GABBR2: variants seen among roughly 807,000 people sequenced by gnomAD.
The protein encoded by GABBR2 is G-protein coupled receptor 51.
In GABBR2, 23 loss-of-function variants were observed where a neutral mutation model predicts 105.6. The observed-to-expected ratio is 0.22, with a 90% CI of 0.16 to 0.31. GABBR2 has a LOEUF of 0.31. Ranked by LOEUF, GABBR2 falls within the 10% of genes least tolerant of loss-of-function variation. The probability of loss-of-function intolerance (pLI) is 1.00; values close to 1 mark genes in which losing one functional copy is unlikely to be tolerated. For missense variants in GABBR2, 734 were observed against 1,245.5 expected, an observed-to-expected ratio of 0.59 and a Z score of 6.18; for synonymous variants, 478 against 499.7, an observed-to-expected ratio of 0.96 and a Z score of 0.58.
intron 6 of GABBR2, among the ~76,000 whole-genome samples, chr9:98,457,108 C>A (rs1168882143): frequency 6.6e-6 from 1 of 152,198 alleles, no homozygotes; most frequent in African/African-American, 2.4e-5. Flanking sequence ...ATGCGTGTTT[C>A]TTTAATTAAT....
At chr9:98,552,018 A>T (rs1828495963) in intron 2 of GABBR2, 1 of 152,184 alleles carries the variant, frequency 6.6e-6, no homozygotes, top group Admixed American at 6.5e-5. Context: ...GATAACTGCC[A>T]TTGTGCCTCA....
intron 5 of GABBR2, among the ~76,000 whole-genome samples, chr9:98,476,693 C>T (rs1390628951): frequency 1.3e-5 from 2 of 152,152 alleles, no homozygotes; most frequent in Admixed American, 1.3e-4. Context: ...AGAAGACTGC[C>T]CCAAACACCA....
At chr9:98,507,078 A>C (rs1228322423) in intron 3 of GABBR2, among the ~76,000 whole-genome samples, 1 of 151,970 alleles carries the variant, frequency 6.6e-6, no homozygotes, top group African/African-American at 2.4e-5. Flanking sequence ...AATCAAATCA[A>C]ATCCCTCTTT....
intron 3 of GABBR2, among the ~76,000 whole-genome samples, chr9:98,528,401 A>T (rs2131722887): frequency 6.6e-6 from 1 of 152,294 alleles, no homozygotes; most frequent in Admixed American, 6.5e-5. Flanking sequence ...TATTTACAAA[A>T]ATTTTGGAGA....
chr9:98,497,211 G>A (rs886359423), intron 3 of GABBR2, among the ~76,000 whole-genome samples: 1 of 152,296 alleles, frequency 6.6e-6, no homozygotes, highest in East Asian at 1.9e-4. Context: ...AGACTGCAGT[G>A]AGCCGTGATC....
chr9:98,428,551 C>A (rs1208584472), intron 7 of GABBR2, among the ~76,000 whole-genome samples: 2 of 152,178 alleles, frequency 1.3e-5, no homozygotes, highest in African/African-American at 4.8e-5. Flanking sequence ...AGAGACAACA[C>A]AGAGAGACCC....
At chr9:98,453,685 G>C (rs1356325044) in intron 7 of GABBR2, among the ~76,000 whole-genome samples, 1 of 152,180 alleles carries the variant, frequency 6.6e-6, no homozygotes, top group African/African-American at 2.4e-5. Context: ...TAGCCAAAAG[G>C]ATAGAACGCT....
chr9:98,434,854 C>A (rs1033004094), intron 7 of GABBR2, among the ~76,000 whole-genome samples: 1 of 152,208 alleles, frequency 6.6e-6, no homozygotes, highest in African/African-American at 2.4e-5. Flanking sequence ...TGTGAGGACC[C>A]TGAGATGCCT....
intron 17 of GABBR2, among the ~76,000 whole-genome samples, chr9:98,297,056 T>C (rs1406442497): frequency 6.6e-6 from 1 of 152,186 alleles, no homozygotes; most frequent in Non-Finnish European, 1.5e-5. Flanking sequence ...TTGGAATTAA[T>C]TTTTGTGTAG....
At chr9:98,412,951 A>T (rs534700481) in intron 7 of GABBR2, among the ~76,000 whole-genome samples, 41 of 152,332 alleles carry the variant, frequency 2.7e-4, no homozygotes, top group African/African-American at 9.4e-4. Flanking sequence ...GGCTGTCTAG[A>T]CTTTATTGAA....
intron 3 of GABBR2, chr9:98,538,654 C>T (rs892952529): frequency 8.4e-6 from 8 of 957,038 alleles, no homozygotes; most frequent in South Asian, 4.8e-5. Flanking sequence ...TAATAAGCTC[C>T]GTGGGAGTAA....
chr9:98,398,290 T>C (rs1193613640), intron 8 of GABBR2, among the ~76,000 whole-genome samples: 1 of 151,570 alleles, frequency 6.6e-6, no homozygotes, highest in Non-Finnish European at 1.5e-5. Flanking sequence ...TCAACAAAAA[T>C]AAAAGATTCT....
chr9:98,339,344 T>G (rs1174232820), intron 13 of GABBR2, among the ~76,000 whole-genome samples: 2 of 150,762 alleles, frequency 1.3e-5, no homozygotes, highest in Non-Finnish European at 2.9e-5. Context: ...CAGTCAGCCA[T>G]GCAGAGAATG....
chr9:98,654,958 GT>G (rs1019755501), intron 1 of GABBR2, among the ~76,000 whole-genome samples: 1 of 152,064 alleles, frequency 6.6e-6, no homozygotes, highest in Non-Finnish European at 1.5e-5. Flanking sequence ...GACCTGGAGG[GT>G]CTTTAAATGC....
chr9:98,635,586 C>T (rs1184890438), intron 1 of GABBR2, among the ~76,000 whole-genome samples: 1 of 152,126 alleles, frequency 6.6e-6, no homozygotes, highest in Non-Finnish European at 1.5e-5. Flanking sequence ...AGAGGTGTGA[C>T]CGCCTCTTGA....
intron 1 of GABBR2, among the ~76,000 whole-genome samples, chr9:98,587,040 C>A (rs1246641238): frequency 1.3e-5 from 2 of 152,232 alleles, no homozygotes; most frequent in Non-Finnish European, 2.9e-5. Context: ...ACACTCCCAA[C>A]AGCAGTGTTT....
chr9:98,577,742 C>T (rs796411231), intron 2 of GABBR2, among the ~76,000 whole-genome samples, 193 bp downstream of exon 2: 52 of 152,270 alleles, frequency 3.4e-4, no homozygotes, highest in African/African-American at 1.2e-3. Flanking sequence ...ATCAGGGCTG[C>T]CCTTTAGAGA....
rs138805587 is a variant in GABBR2 at position 98,366,632 on chromosome 9, G to T, written c.1771-3795C>A. Among the ~76,000 whole-genome samples, 74 of 152,226 alleles carry T rather than the reference G, an allele frequency of 4.9e-4. No homozygotes were observed. In the East Asian group the frequency reaches 8.1e-3, roughly 17 times the overall value. ...CTATTCAGACTGGCCTTCCACTAGGGCCAACTCATTTCTTCAGGGAACACC... is the reference window on the plus strand; with the variant it reads ...CTATTCAGACTGGCCTTCCACTAGGTCCAACTCATTTCTTCAGGGAACACC... On this transcript the variant is annotated intron_variant, in intron 12 of 18. Coordinates refer to ENST00000259455, the MANE Select transcript of GABBR2 (RefSeq NM_005458.8).
At chr9:98,652,570 A>G (rs893639800) in intron 1 of GABBR2, among the ~76,000 whole-genome samples, 2 of 152,278 alleles carry the variant, frequency 1.3e-5, no homozygotes, top group African/African-American at 4.8e-5. Flanking sequence ...CATGCTCTAG[A>G]AAAAGCTCTG....
Sources: gnomAD v4.1 joint callset for allele counts (sites outside exome capture counted in the v4.1 genomes callset) on GRCh38, gnomAD v4.1.1 for gene constraint, MANE v1.5 for transcripts, NCBI Gene and HGNC (gene_info 2026-07-23, HGNC 2026-07-21) for gene names.